KCNMA1: variants seen among roughly 807,000 people sequenced by gnomAD.
KCNMA1 encodes Calcium-activated potassium channel subunit alpha-1.
In KCNMA1, 29 loss-of-function variants were observed where a neutral mutation model predicts 140.0. The observed-to-expected ratio is 0.21, with a 90% CI of 0.15 to 0.28. KCNMA1 has a LOEUF of 0.28. KCNMA1 is among the 10% of genes least tolerant of loss of function. KCNMA1 has a pLI of 1.00. For synonymous variants in KCNMA1, 612 were observed against 611.9 expected (o/e 1.00, Z 0.00); for missense variants, 880 against 1,602.2 (o/e 0.55, Z 7.70).
chr10:77,601,620 G>T (rs1291658475), intron 1 of KCNMA1, among the ~76,000 whole-genome samples: 2 of 152,180 alleles, frequency 1.3e-5, no homozygotes, highest in Non-Finnish European at 2.9e-5. Flanking sequence ...TTCTGCATTT[G>T]GTTCCAAGAC....
intron 19 of KCNMA1, among the ~76,000 whole-genome samples, chr10:76,976,037 G>T (rs903831958): frequency 1.3e-5 from 2 of 152,116 alleles, no homozygotes; most frequent in Non-Finnish European, 2.9e-5. Flanking sequence ...CATTATTCTG[G>T]CAGGATAATT....
intron 2 of KCNMA1, among the ~76,000 whole-genome samples, chr10:77,260,147 C>T (rs1293385429): frequency 2.6e-5 from 4 of 152,040 alleles, no homozygotes; most frequent in African/African-American, 9.7e-5. Context: ...AAGAGCACCG[C>T]GGTGGTAGAG....
intron 1 of KCNMA1, among the ~76,000 whole-genome samples, chr10:77,541,870 A>G (rs1254393349): frequency 6.6e-6 from 1 of 152,172 alleles, no homozygotes; most frequent in Non-Finnish European, 1.5e-5. Flanking sequence ...TTTAATGTGC[A>G]GCCAGAGTTG....
In KCNMA1 at chr10:77,566,226, G is replaced by T. The variant is rs568329839; in HGVS notation, c.378+71039C>A. ...ATTGACAGAAAGCTGCAGCCCTCTG[G>T]GGAATGTCCCCCCATCCCATCCCCC... On this transcript the variant is annotated intron_variant, in intron 1 of 27. Coordinates refer to ENST00000286628, the MANE Select transcript of KCNMA1 (RefSeq NM_001161352.2). Among the ~76,000 whole-genome samples, 10 of 152,162 alleles carry T rather than the reference G, an allele frequency of 6.6e-5. No homozygotes were observed. The East Asian group carries it at 1.9e-3, about 30-fold the overall frequency.
chr10:77,621,029 A>T (rs2091199652), intron 1 of KCNMA1, among the ~76,000 whole-genome samples: 1 of 152,234 alleles, frequency 6.6e-6, no homozygotes, highest in South Asian at 2.1e-4. Context: ...AGATTTGCTA[A>T]CTAACCAATT....
At chr10:77,308,580 G>T (rs573544194) in intron 2 of KCNMA1, among the ~76,000 whole-genome samples, 21 of 152,310 alleles carry the variant, frequency 1.4e-4, no homozygotes, top group African/African-American at 4.8e-4. Context: ...TAACAGCAAA[G>T]TCGACAATTC....
intron 2 of KCNMA1, among the ~76,000 whole-genome samples, chr10:77,362,354 C>T (rs1373807127): frequency 2.6e-5 from 2 of 76,568 alleles, no homozygotes; most frequent in African/African-American, 1.6e-4. Context: ...TCCCCCCCCA[C>T]CCCCCCCACC....
At chr10:76,989,764 T>A (rs541196178) in intron 19 of KCNMA1, among the ~76,000 whole-genome samples, 2 of 152,000 alleles carry the variant, frequency 1.3e-5, no homozygotes, top group East Asian at 3.9e-4. Context: ...TGCCTGTAGC[T>A]GATATGACCT....
intron 3 of KCNMA1, among the ~76,000 whole-genome samples, chr10:77,200,740 C>T (rs1048648013): frequency 1.3e-4 from 20 of 152,120 alleles, no homozygotes; most frequent in Non-Finnish European, 2.5e-4. Context: ...GAACATATTT[C>T]AGTACCTCAA....
intron 5 of KCNMA1, among the ~76,000 whole-genome samples, chr10:77,173,625 C>T (rs2098727881): frequency 6.6e-6 from 1 of 152,178 alleles, no homozygotes; most frequent in Non-Finnish European, 1.5e-5. Context: ...CCCCACTCTC[C>T]TAAGGACACC....
intron 1 of KCNMA1, among the ~76,000 whole-genome samples, chr10:77,538,662 C>G (rs2059469108): frequency 6.6e-6 from 1 of 152,094 alleles, no homozygotes; most frequent in South Asian, 2.1e-4. Flanking sequence ...GATGGTGAGT[C>G]CCATCTATGA....
At chr10:77,624,497 G>C (rs986610140) in intron 1 of KCNMA1, among the ~76,000 whole-genome samples, 1 of 151,976 alleles carries the variant, frequency 6.6e-6, no homozygotes, top group African/African-American at 2.4e-5. Context: ...AGTCAATATT[G>C]AAGTTCTGGG....
chr10:77,441,942 C>T (rs757133616), intron 1 of KCNMA1, among the ~76,000 whole-genome samples: 4 of 152,156 alleles, frequency 2.6e-5, no homozygotes, highest in Non-Finnish European at 4.4e-5. Flanking sequence ...TTGTCTTCCA[C>T]CTGAGCCACC....
At chr10:77,260,885 G>GA (rs1280855113) in intron 2 of KCNMA1, among the ~76,000 whole-genome samples, 1 of 152,152 alleles carries the variant, frequency 6.6e-6, no homozygotes, top group Non-Finnish European at 1.5e-5. Flanking sequence ...AGGAATCTGT[G>GA]AAAACAGATG....
At chr10:77,151,704 T>G (rs1017979468) in intron 5 of KCNMA1, among the ~76,000 whole-genome samples, 3 of 152,162 alleles carry the variant, frequency 2.0e-5, no homozygotes, top group Admixed American at 1.3e-4. Flanking sequence ...TTCTGAATGA[T>G]CCCACTCACA....
intron 2 of KCNMA1, among the ~76,000 whole-genome samples, chr10:77,255,096 T>C (rs1385516470): frequency 6.6e-6 from 1 of 152,194 alleles, no homozygotes; most frequent in Non-Finnish European, 1.5e-5. Flanking sequence ...TCTTGGACAG[T>C]ATGAATTGTC....
chr10:77,274,326 T>C (rs549315738), intron 2 of KCNMA1, among the ~76,000 whole-genome samples: 37 of 152,130 alleles, frequency 2.4e-4, no homozygotes, highest in African/African-American at 8.4e-4. Context: ...CCCCTCTCCT[T>C]CCCTAAACCT....
intron 5 of KCNMA1, among the ~76,000 whole-genome samples, chr10:77,138,204 A>G (rs577606500): frequency 6.6e-6 from 1 of 152,298 alleles, no homozygotes; most frequent in East Asian, 1.9e-4. Context: ...GTAAGTAGAG[A>G]AACACATTTT....
At chr10:77,205,684 A>T (rs947516295) in intron 3 of KCNMA1, among the ~76,000 whole-genome samples, 15 of 152,216 alleles carry the variant, frequency 9.9e-5, no homozygotes, top group African/African-American at 3.1e-4. Flanking sequence ...GTCCATCTGA[A>T]CCAAGTATTT....
Sources: gnomAD v4.1 joint callset for allele counts (sites outside exome capture counted in the v4.1 genomes callset) on GRCh38, gnomAD v4.1.1 for gene constraint, MANE v1.5 for transcripts, NCBI Gene and HGNC (gene_info 2026-07-23, HGNC 2026-07-21) for gene names.